The following ATF1 variants were observed in gnomAD, a reference collection of about 807,000 sequenced individuals.
The protein encoded by ATF1 is cyclic AMP-dependent transcription factor ATF-1.
Under a neutral mutation model 34.7 loss-of-function variants are expected in ATF1, and 16 were observed. The observed-to-expected ratio is 0.46, with a 90% CI of 0.31 to 0.70. The LOEUF is 0.70. ATF1 is among the 30% of genes least tolerant of loss of function. ATF1 has a pLI of 0.05. For missense variants in ATF1, 255 were observed against 321.6 expected, an observed-to-expected ratio of 0.79 and a Z score of 1.58; for synonymous variants, 105 against 113.1, an observed-to-expected ratio of 0.93 and a Z score of 0.46.
intron 6 of ATF1, among the ~76,000 whole-genome samples, chr12:50,815,410 A>G (rs775293576): frequency 2.0e-5 from 3 of 152,046 alleles, no homozygotes; most frequent in Admixed American, 1.3e-4. Context: ...TTTTAAGACA[A>G]GGTCTCACTG....
At chr12:50,806,833 G>T (rs181157627) in intron 3 of ATF1, among the ~76,000 whole-genome samples, 9 of 152,154 alleles carry the variant, frequency 5.9e-5, no homozygotes, top group Non-Finnish European at 4.4e-5. Context: ...TGTTACATAG[G>T]CAGGTTTAGG....
chr12:50,778,382 T>G (rs1264769011), intron 1 of ATF1, among the ~76,000 whole-genome samples: 2 of 150,736 alleles, frequency 1.3e-5, no homozygotes, highest in East Asian at 4.0e-4. Context: ...CCTGCCCCCG[T>G]GCCGAGCTAA....
intron 1 of ATF1, among the ~76,000 whole-genome samples, chr12:50,777,620 A>AC (rs140167881): frequency 0.049 from 7,384 of 150,182 alleles, 591 homozygotes; most frequent in African/African-American, 0.17. Flanking sequence ...TACAGAAAAG[A>AC]CCCCCCCCAA....
intron 1 of ATF1, among the ~76,000 whole-genome samples, chr12:50,770,587 AATT>A (rs1479863426): frequency 6.6e-6 from 1 of 152,234 alleles, no homozygotes; most frequent in Non-Finnish European, 1.5e-5. Context: ...CTATGTGAAA[AATT>A]ATTATTCTTG....
At chr12:50,794,456 T>C (rs1277474355) in intron 2 of ATF1, among the ~76,000 whole-genome samples, 2 of 151,188 alleles carry the variant, frequency 1.3e-5, no homozygotes, top group Non-Finnish European at 2.9e-5. Context: ...TCCCAGCTAC[T>C]CAGGAGGCTG....
Position 50,809,381 on chromosome 12 carries a change from A to T in ATF1, c.195-75A>T, listed in dbSNP as rs549891155. The T allele has an allele frequency of 6.9e-5, 87 of 1,256,982 alleles. No homozygotes were observed. In the African/African-American group the frequency reaches 1.3e-3, roughly 19 times the overall value. The allele number at this position is 1,256,982 out of a possible 1,614,324, so 77.9% of individuals were successfully genotyped here. A position where few individuals can be genotyped will look rare whatever the true frequency, so the allele number is the denominator to read the frequency against. ...AAAGCAAGATCTTGTCTCAAAAAAA[A>T]AAAAAAAAAAAAAATTATTTTTGTG... On this transcript the variant is annotated intron_variant, in intron 3 of 6. Transcript: ENST00000262053.
chr12:50,778,812 CT>C (rs1423144828), intron 1 of ATF1, among the ~76,000 whole-genome samples: 4 of 152,162 alleles, frequency 2.6e-5, no homozygotes, highest in African/African-American at 9.7e-5. Context: ...AGCTCTTCAG[CT>C]CAGGCAGTCC....
chr12:50,814,484 A>G, intron 6 of ATF1, 45 bp downstream of exon 6: 1 of 1,574,484 alleles, frequency 6.4e-7, no homozygotes, highest in East Asian at 2.2e-5. Context: ...TGTTTTTACA[A>G]ATCTCACAAC....
chr12:50,778,501 G>A (rs1940982109), intron 1 of ATF1, among the ~76,000 whole-genome samples: 1 of 152,036 alleles, frequency 6.6e-6, no homozygotes, highest in African/African-American at 2.4e-5. Context: ...GAGATTACAG[G>A]CGTGAGCCAC....
At chr12:50,782,195 G>T (rs1424752964) in intron 2 of ATF1, among the ~76,000 whole-genome samples, 1 of 152,006 alleles carries the variant, frequency 6.6e-6, no homozygotes, top group African/African-American at 2.4e-5. Context: ...CATAATTAAT[G>T]TAGAATCAGA....
chr12:50,769,013 T>C (rs1254634652), intron 1 of ATF1, among the ~76,000 whole-genome samples: 1 of 152,204 alleles, frequency 6.6e-6, no homozygotes, highest in Non-Finnish European at 1.5e-5. Context: ...ACCTAGTACA[T>C]AATTAAAATT....
At chr12:50,769,578 T>C (rs1278236430) in intron 1 of ATF1, among the ~76,000 whole-genome samples, 2 of 152,230 alleles carry the variant, frequency 1.3e-5, no homozygotes, top group African/African-American at 4.8e-5. Context: ...TTGGATTATA[T>C]TTACATAACT....
intron 3 of ATF1, among the ~76,000 whole-genome samples, chr12:50,804,219 G>A (rs779690571): frequency 1.3e-5 from 2 of 151,824 alleles, no homozygotes; most frequent in East Asian, 1.9e-4. Context: ...GACATACCAC[G>A]AAAACACTAA....
chr12:50,796,040 G>A, intron 3 of ATF1, 31 bp downstream of exon 3: 1 of 1,520,106 alleles, frequency 6.6e-7, no homozygotes, highest in Non-Finnish European at 9.0e-7. Context: ...AGCCCTGCAT[G>A]TTATGATAGT....
chr12:50,816,116 C>G (rs1279098117), intron 6 of ATF1, among the ~76,000 whole-genome samples: 1 of 152,122 alleles, frequency 6.6e-6, no homozygotes, highest in Admixed American at 6.5e-5. Flanking sequence ...GGGAGGATCA[C>G]TTGAGCCTAG....
rs185778502 is a variant in ATF1, at chr12:50,780,763, C to A, written c.93+525C>A. ...GGATCACGAGGTCAAGAGTTCAAGA[C>A]TAGCCTGACCAACATGGCGAAACCC... On this transcript the variant is annotated intron_variant, in intron 2 of 6. Transcript: ENST00000262053. Among the ~76,000 whole-genome samples, 18 of 151,908 alleles carry A rather than the reference C, an allele frequency of 1.2e-4. No homozygotes were observed. The East Asian group carries it at 3.5e-3, about 30-fold the overall frequency.
intron 3 of ATF1, among the ~76,000 whole-genome samples, chr12:50,801,789 C>T (rs1199437545): frequency 6.6e-6 from 1 of 152,106 alleles, no homozygotes; most frequent in Non-Finnish European, 1.5e-5. Context: ...TAAAACTGCT[C>T]AACAAATACA....
At chr12:50,767,876 T>TG (rs1280361635) in intron 1 of ATF1, among the ~76,000 whole-genome samples, 12 of 138,608 alleles carry the variant, frequency 8.7e-5, no homozygotes, top group African/African-American at 3.2e-4. Context: ...TTGCACTTTC[T>TG]TTTTTTTTTT....
At position 50,814,820 on chromosome 12, in the gene ATF1, C is replaced by CTTT. The variant is rs35936124; in HGVS notation, c.671+397_671+399dup. On this transcript the variant is annotated intron_variant, in intron 6 of 6. Coordinates refer to ENST00000262053, the MANE Select transcript of ATF1 (RefSeq NM_005171.5). Reference sequence around the variant, plus strand: ...ATTATTTTAAAGTGTATACCTTCTACTTTTTTTTTTTTTTTTTTAAAGTTA... The same window carrying CTTT: ...ATTATTTTAAAGTGTATACCTTCTACTTTTTTTTTTTTTTTTTTTTTAAAGTTA... Among the ~76,000 whole-genome samples the CTTT allele has an allele frequency of 2.3e-3, 328 of 140,626 alleles. 10 individuals carry two copies. In the East Asian group the frequency reaches 0.055, roughly 23 times the overall value. The allele number at this position is 140,626 out of a possible 152,430, so 92.3% of individuals were successfully genotyped here. A position where few individuals can be genotyped will look rare whatever the true frequency, so the allele number is the denominator to read the frequency against.
Sources: allele counts gnomAD v4.1 joint callset (sites outside exome capture counted in the v4.1 genomes callset), GRCh38; gene constraint gnomAD v4.1.1; transcripts MANE v1.5; gene names NCBI Gene and HGNC (gene_info 2026-07-23, HGNC 2026-07-21).